Variants in GAB4 observed in about 807,000 individuals in gnomAD.
GAB4 encodes the protein GRB2 associated binding protein family member 4.
GAB4 carries 26 observed loss-of-function variants against 51.3 expected under a neutral mutation model. The ratio of observed to expected loss-of-function variants is 0.51; its 90% CI spans 0.37 to 0.70. The LOEUF (loss-of-function observed/expected upper bound fraction) is 0.70. Among genes scored for constraint, GAB4 ranks in the 30% least tolerant of loss-of-function variants. The probability of loss-of-function intolerance (pLI) is 0.00; values close to 1 mark genes in which losing one functional copy is unlikely to be tolerated. For synonymous variants in GAB4, 329 were observed against 291.2 expected, an observed-to-expected ratio of 1.13 and a Z score of -1.32; for missense variants, 759 against 734.6, an observed-to-expected ratio of 1.03 and a Z score of -0.38.
At chr22:16,980,348 A>C (rs1173471719) in intron 3 of GAB4, among the ~76,000 whole-genome samples, 2 of 152,160 alleles carry the variant, frequency 1.3e-5, no homozygotes, top group Non-Finnish European at 2.9e-5. Context: ...AAAAGGGGCC[A>C]AAGGATAATA....
intron 3 of GAB4, among the ~76,000 whole-genome samples, chr22:16,975,851 G>C (rs1407954231): frequency 6.6e-6 from 1 of 152,140 alleles, no homozygotes; most frequent in Non-Finnish European, 1.5e-5. Context: ...GTCTCCACTG[G>C]TGATACTCCA....
intron 3 of GAB4, among the ~76,000 whole-genome samples, chr22:16,978,707 A>C (rs997633748): frequency 5.3e-5 from 8 of 152,190 alleles, no homozygotes; most frequent in Non-Finnish European, 1.2e-4. Context: ...CCTGACACCA[A>C]AACCTGGCAA....
At chr22:16,984,622 T>C (rs181318600) in intron 3 of GAB4, among the ~76,000 whole-genome samples, 2 of 152,344 alleles carry the variant, frequency 1.3e-5, no homozygotes, top group Admixed American at 1.3e-4. Context: ...AGAATGTTGA[T>C]GTTTTGGTTT....
Position 16,991,943 on chromosome 22 carries a change from G to T in GAB4, c.408C>A (p.Thr136=). Residue 136 remains threonine, a synonymous_variant, in exon 2 of 10, where the codon ACC becomes ACA. Coordinates refer to ENST00000400588, the MANE Select transcript of GAB4 (RefSeq NM_001037814.1). ...GGACCCACTCATTCATGTCCTCCCT[G>T]GTCTCAGCCACCAGGTAAAAGGTAC... The part of the protein sequence containing the change: ...SERTFYLVAE[T]REDMNEWVQS... 6.2e-7 allele frequency: 1 copy of T among 1,614,040 alleles called. No homozygotes were observed. The highest frequency in any genetic ancestry group is 8.5e-7 in the Non-Finnish European group (1 of 1,179,936).
intron 3 of GAB4, among the ~76,000 whole-genome samples, chr22:16,977,254 G>A (rs59002642): frequency 0.015 from 2,289 of 151,922 alleles, 56 homozygotes; most frequent in African/African-American, 0.052. Flanking sequence ...AAGACCCATC[G>A]GTGTGCTGTA....
intron 1 of GAB4, among the ~76,000 whole-genome samples, chr22:17,002,732 C>T (rs138544378): frequency 3.3e-3 from 502 of 152,148 alleles, no homozygotes; most frequent in African/African-American, 1.0e-2. Flanking sequence ...TGTTAAATGA[C>T]GAGTTAATGG....
intron 3 of GAB4, among the ~76,000 whole-genome samples, chr22:16,970,618 G>C (rs746538596): frequency 1.3e-4 from 20 of 152,304 alleles, no homozygotes; most frequent in Admixed American, 7.8e-4. Flanking sequence ...GTGCACAACT[G>C]AATGCCCAGG....
At position 17,006,607 on chromosome 22, in the gene GAB4, A is replaced by C. The variant is rs191970213; in HGVS notation, c.174+1334T>G. On this transcript the variant is annotated intron_variant, in intron 1 of 9. Transcript: ENST00000400588. ...GACAGCAAAGACTTGGAACCAACCC[A>C]AATGCCCATCAATAATAGACTGGAT... 6.3e-3 allele frequency among the ~76,000 whole-genome samples: 960 copies of C among 152,120 alleles called. 8 individuals are homozygous for C. Among genetic ancestry groups the C allele is most frequent in the Non-Finnish European group, 7.6e-3 (515 of 67,882 alleles).
chr22:16,968,516 C>T (rs982797696), intron 4 of GAB4, 133 bp from the exon 5 acceptor site: 5 of 678,930 alleles, frequency 7.4e-6, no homozygotes, highest in East Asian at 2.7e-5. Context: ...AATGACAAAG[C>T]GTTACCTCTA....
chr22:16,982,007 A>T (rs2060831103), intron 3 of GAB4, among the ~76,000 whole-genome samples: 1 of 152,232 alleles, frequency 6.6e-6, no homozygotes, highest in African/African-American at 2.4e-5. Context: ...ATAAAATGCT[A>T]CATCCCTTGA....
intron 6 of GAB4, 120 bp downstream of exon 6, chr22:16,965,980 G>A: frequency 1.1e-6 from 1 of 893,072 alleles, no homozygotes; most frequent in Non-Finnish European, 1.8e-6. Flanking sequence ...AGAAAACTGA[G>A]GCTCAGAGAA....
At position 16,966,251 on chromosome 22, in the gene GAB4, G is replaced by A. The variant is rs1183423429; in HGVS notation, c.1137C>T (p.Ser379=). 3 of 1,613,852 alleles carry A rather than the reference G, an allele frequency of 1.9e-6. No individual in the cohort carries two copies. The highest frequency in any genetic ancestry group is 2.5e-6 in the Non-Finnish European group (3 of 1,179,986). Residue 379 remains serine (S), a synonymous_variant, in exon 6 of 10, where the codon TCC becomes TCT. Transcript: ENST00000400588. ...AGCCCACAGGGATGCAGACACCCTG[G>A]GAATCATCGCCTGCTTGCTTCACAG... The part of the protein sequence containing the change: ...LPAVKQAGDD[S]QGVCIPVGSC...
Position 16,978,227 on chromosome 22 carries a change from A to T in GAB4, c.687-8034T>A, listed in dbSNP as rs115656651. Among the ~76,000 whole-genome samples, 549 of 152,354 alleles carry T rather than the reference A, an allele frequency of 3.6e-3. 3 individuals carry two copies. The highest frequency in any genetic ancestry group is 0.013 in the African/African-American group (532 of 41,590). On this transcript the variant is annotated intron_variant, in intron 3 of 9. Transcript: ENST00000400588. ...AGAGACACAAAAAAACCTTCAAAAAATCGATGAATCCACGAGCTGTCTTTT... is the reference window on the plus strand; with the variant it reads ...AGAGACACAAAAAAACCTTCAAAAATTCGATGAATCCACGAGCTGTCTTTT...
At chr22:17,005,470 T>C (rs986363029) in intron 1 of GAB4, among the ~76,000 whole-genome samples, 1 of 152,192 alleles carries the variant, frequency 6.6e-6, no homozygotes, top group Non-Finnish European at 1.5e-5. Flanking sequence ...CAAGCTACCA[T>C]TGACTTTCTT....
intron 5 of GAB4, among the ~76,000 whole-genome samples, chr22:16,968,079 T>C (rs1443562978): frequency 2.0e-5 from 3 of 152,224 alleles, no homozygotes; most frequent in Non-Finnish European, 4.4e-5. Context: ...GTAAGACTTG[T>C]GATCCCATCT....
At chr22:16,969,895 C>T in intron 4 of GAB4, 48 bp downstream of exon 4, 1 of 1,611,774 alleles carries the variant, frequency 6.2e-7, no homozygotes, top group East Asian at 2.2e-5. Context: ...AGGTGGCCCC[C>T]AAACTCCTGG....
chr22:16,977,944 C>T (rs947240095), intron 3 of GAB4, among the ~76,000 whole-genome samples: 9 of 151,690 alleles, frequency 5.9e-5, no homozygotes, highest in African/African-American at 9.7e-5. Context: ...GGGTAAATAA[C>T]GAAAATAAGG....
At chr22:16,977,089 A>G (rs4592945) in intron 3 of GAB4, among the ~76,000 whole-genome samples, 123,044 of 152,152 alleles carry the variant, frequency 0.81, 50,454 homozygotes, top group African/African-American at 0.95. Context: ...AGAGACCATC[A>G]ATGCTAGGAA....
chr22:16,970,629 C>G (rs557830053), intron 3 of GAB4, among the ~76,000 whole-genome samples: 7 of 152,266 alleles, frequency 4.6e-5, no homozygotes, highest in Admixed American at 1.3e-4. Flanking sequence ...AATGCCCAGG[C>G]TGAGAGACGG....
Sources: allele counts gnomAD v4.1 joint callset (sites outside exome capture counted in the v4.1 genomes callset), GRCh38; gene constraint gnomAD v4.1.1; transcripts MANE v1.5; gene names NCBI Gene and HGNC (gene_info 2026-07-23, HGNC 2026-07-21).